Variants in CLMN observed in about 807,000 individuals in gnomAD.
CLMN encodes the protein calmin (calponin-like, transmembrane).
Under a neutral mutation model 92.7 loss-of-function variants are expected in CLMN, and 57 were observed. The ratio of observed to expected loss-of-function variants is 0.61; its 90% CI spans 0.50 to 0.77. CLMN has a LOEUF of 0.77. Ranked by LOEUF, CLMN falls within the 30% of genes least tolerant of loss-of-function variation. CLMN has a pLI of 0.00. For synonymous variants in CLMN, 466 were observed against 470.6 expected, an observed-to-expected ratio of 0.99 and a Z score of 0.13; for missense variants, 1,158 against 1,237.5, an observed-to-expected ratio of 0.94 and a Z score of 0.96.
chr14:95,205,582 G>A (rs1054327033), intron 8 of CLMN, among the ~76,000 whole-genome samples: 7 of 152,226 alleles, frequency 4.6e-5, no homozygotes, highest in African/African-American at 1.2e-4. Context: ...GCTATTTAAA[G>A]CAAAAATAAC....
rs1196795227 is a variant in CLMN at position 95,213,088 on chromosome 14, CT to C, written c.608+130del. ...AGGCATGAGCCACCGCGCCTGCCCC[CT>C]GTTCTGATATTCTATATGAAGCAAT... On this transcript the variant is annotated intron_variant, in intron 6 of 12. Coordinates refer to ENST00000298912, the MANE Select transcript of CLMN (RefSeq NM_024734.4). 45 of 1,020,346 alleles carry C rather than the reference CT, an allele frequency of 4.4e-5. No homozygotes were observed. The East Asian group carries it at 9.8e-4, about 22-fold the overall frequency. 63.2% of individuals were successfully genotyped at this position (1,020,346 alleles called of 1,614,324 possible). A position where few individuals can be genotyped will look rare whatever the true frequency, so the allele number is the denominator to read the frequency against.
intron 1 of CLMN, among the ~76,000 whole-genome samples, chr14:95,237,636 A>G (rs1898101692): frequency 6.6e-6 from 1 of 152,200 alleles, no homozygotes; most frequent in Non-Finnish European, 1.5e-5. Context: ...ATCTGCTCCC[A>G]TGCCCCAGGT....
At chr14:95,293,260 CCCTCCCTCCCTCCTTCTTTT>C (rs1900658782) in intron 1 of CLMN, among the ~76,000 whole-genome samples, 2 of 57,278 alleles carry the variant, frequency 3.5e-5, no homozygotes, top group African/African-American at 5.7e-5. Context: ...CTCCCTCCTT[CCCTCCCTCCCTCCTTCTTTT>C]CCTCCCTCCC....
In CLMN at chr14:95,204,363, G is replaced by A. The variant is rs564512518; in HGVS notation, c.986C>T (p.Thr329Ile). Reference sequence around the variant, plus strand: ...AGTGTAGGTACGCTCCCCATTTTCAGTCAGAACGAAGACTTTGCTCTCCTG... The same window carrying A: ...AGTGTAGGTACGCTCCCCATTTTCAATCAGAACGAAGACTTTGCTCTCCTG... ...SEQESKVFVL[T>I]ENGERTYTVN... Residue 329 changes from threonine to isoleucine, a missense_variant, in exon 9 of 13, where the codon ACT (threonine) becomes ATT (isoleucine). Physicochemically the swap from Thr to Ile is moderately conservative, Grantham distance 89. Coordinates refer to ENST00000298912, the MANE Select transcript of CLMN (RefSeq NM_024734.4). 6 of 1,614,058 alleles carry A rather than the reference G, an allele frequency of 3.7e-6. No individual in the cohort carries two copies. The East Asian group carries it at 1.1e-4, about 30-fold the overall frequency.
At chr14:95,251,930 G>C (rs542119137) in intron 1 of CLMN, among the ~76,000 whole-genome samples, 1 of 152,296 alleles carries the variant, frequency 6.6e-6, no homozygotes, top group East Asian at 1.9e-4. Context: ...TCTTTATGCA[G>C]AGATGAGTTT....
intron 1 of CLMN, among the ~76,000 whole-genome samples, chr14:95,243,399 G>A (rs1339912562): frequency 6.6e-6 from 1 of 152,130 alleles, no homozygotes; most frequent in East Asian, 1.9e-4. Flanking sequence ...AAGTCAGGGA[G>A]CCCTACTTGA....
At chr14:95,302,335 G>C (rs940598744) in intron 1 of CLMN, among the ~76,000 whole-genome samples, 2 of 151,896 alleles carry the variant, frequency 1.3e-5, no homozygotes, top group African/African-American at 4.8e-5. Context: ...AAAGAGGAAG[G>C]AAGGAAAGAA....
At chr14:95,274,877 A>G (rs1884532) in intron 1 of CLMN, among the ~76,000 whole-genome samples, 37,329 of 151,380 alleles carry the variant, frequency 0.25, 5,936 homozygotes, top group African/African-American at 0.45. Flanking sequence ...TACTCAGGAG[A>G]CTGAAGCAGG....
In CLMN at chr14:95,206,437, G is replaced by A. The variant is rs571664650; in HGVS notation, c.886-1974C>T. Among the ~76,000 whole-genome samples, 68 of 152,122 alleles carry A rather than the reference G, an allele frequency of 4.5e-4. 1 individual carries two copies. The highest frequency in any genetic ancestry group is 1.6e-3 in the African/African-American group (66 of 41,492). On this transcript the variant is annotated intron_variant, in intron 8 of 12. Coordinates refer to ENST00000298912, the MANE Select transcript of CLMN (RefSeq NM_024734.4). ...ATTAACAGCATATTAAAGAATACCA[G>A]TATTCTTTAACTGTATAAGACCCGT...
intron 1 of CLMN, among the ~76,000 whole-genome samples, chr14:95,248,547 A>G (rs1400294721): frequency 6.6e-6 from 1 of 152,220 alleles, no homozygotes; most frequent in Non-Finnish European, 1.5e-5. Flanking sequence ...GATGTCACTC[A>G]TAGCATGTCC....
At chr14:95,201,397 C>T (rs764019226) in intron 9 of CLMN, among the ~76,000 whole-genome samples, 69 of 151,572 alleles carry the variant, frequency 4.6e-4, no homozygotes, top group Non-Finnish European at 8.1e-4. Context: ...TCATTCCCCA[C>T]GACCCCTTCT....
intron 5 of CLMN, among the ~76,000 whole-genome samples, chr14:95,214,632 G>A (rs1391140652): frequency 2.0e-5 from 3 of 152,016 alleles, no homozygotes; most frequent in African/African-American, 4.8e-5. Context: ...GATTATATGC[G>A]TGAGCCACTG....
Position 95,203,284 on chromosome 14 carries a change from T to C in CLMN, c.2065A>G (p.Ser689Gly). Residue 689 changes from serine to glycine, a missense_variant, in exon 9 of 13, where the codon AGC becomes GGC. Coordinates refer to ENST00000298912, the MANE Select transcript of CLMN (RefSeq NM_024734.4). ...LQGVGEELSS[S>G]PPSSCVSLET... ...AAGCTGACACAGCTGCTTGGGGGGC[T>C]GGAAGATAATTCCTCGCCCACACCC... 1 of 1,614,026 alleles carries C rather than the reference T, an allele frequency of 6.2e-7. No homozygotes were observed. The highest frequency in any genetic ancestry group is 8.5e-7 in the Non-Finnish European group (1 of 1,180,012).
chr14:95,292,428 T>TCCCCCCCCCCCCCCCC (rs1263766978), intron 1 of CLMN, among the ~76,000 whole-genome samples: 124 of 74,100 alleles, frequency 1.7e-3, no homozygotes, highest in Admixed American at 5.0e-3. Flanking sequence ...CCCCCAAGGG[T>TCCCCCCCCCCCCCCCC]CCCCCACCCC....
At chr14:95,231,257 C>T (rs182905145) in intron 1 of CLMN, among the ~76,000 whole-genome samples, 148 of 149,286 alleles carry the variant, frequency 9.9e-4, no homozygotes, top group African/African-American at 3.3e-3. Flanking sequence ...AGTGCAGTGA[C>T]GCAATCTCGG....
intron 1 of CLMN, among the ~76,000 whole-genome samples, chr14:95,315,141 G>T (rs530219065): frequency 1.4e-4 from 21 of 152,340 alleles, no homozygotes; most frequent in African/African-American, 4.8e-4. Flanking sequence ...AGGAACTGGA[G>T]GGGTGGGCTG....
intron 3 of CLMN, 150 bp from the exon 4 acceptor site, chr14:95,221,924 C>T: frequency 3.0e-6 from 2 of 656,560 alleles, no homozygotes; most frequent in Non-Finnish European, 5.2e-6. Context: ...TGGAATGCAT[C>T]CAAACCCACA....
intron 1 of CLMN, among the ~76,000 whole-genome samples, chr14:95,304,131 A>G (rs112050293): frequency 0.01 from 1,565 of 152,284 alleles, 25 homozygotes; most frequent in African/African-American, 0.034. Flanking sequence ...TGAGCCCAGG[A>G]GTTTGATGCC....
chr14:95,192,097 C>G (rs918875016), intron 12 of CLMN: 1 of 179,552 alleles, frequency 5.6e-6, no homozygotes, highest in South Asian at 1.6e-4. Flanking sequence ...CCTGGGACAC[C>G]TTTCTTGATG....
Sources: gnomAD v4.1 joint callset for allele counts (sites outside exome capture counted in the v4.1 genomes callset) on GRCh38, gnomAD v4.1.1 for gene constraint, MANE v1.5 for transcripts, NCBI Gene and HGNC (gene_info 2026-07-23, HGNC 2026-07-21) for gene names.